The following OLA1 variants were observed in gnomAD, a reference collection of about 807,000 sequenced individuals.
OLA1 encodes obg-like ATPase 1.
A neutral mutation model predicts 48.4 loss-of-function variants in OLA1; 14 were observed. That is an observed-to-expected ratio of 0.29 (90% CI 0.19 to 0.45). The LOEUF (loss-of-function observed/expected upper bound fraction) is 0.45, where lower values mean the gene tolerates loss of function less well. Among genes scored for constraint, OLA1 ranks in the 20% least tolerant of loss-of-function variants. OLA1 has a pLI of 1.00. For missense variants in OLA1, 325 were observed against 467.1 expected, an observed-to-expected ratio of 0.70 and a Z score of 2.80; for synonymous variants, 127 against 150.4, an observed-to-expected ratio of 0.84 and a Z score of 1.14.
chr2:174,195,819 A>T (rs887928652), intron 4 of OLA1, among the ~76,000 whole-genome samples: 2 of 152,200 alleles, frequency 1.3e-5, no homozygotes, highest in Non-Finnish European at 2.9e-5. Context: ...TTATTAAATA[A>T]CAGTGACATT....
At chr2:174,206,029 T>C (rs1688106423) in intron 4 of OLA1, among the ~76,000 whole-genome samples, 3 of 152,082 alleles carry the variant, frequency 2.0e-5, no homozygotes, top group Non-Finnish European at 4.4e-5. Flanking sequence ...TGGCATGCAA[T>C]GAGTGGTGTA....
chr2:174,201,928 A>G (rs1048700771), intron 4 of OLA1, among the ~76,000 whole-genome samples: 2 of 152,194 alleles, frequency 1.3e-5, no homozygotes, highest in East Asian at 3.8e-4. Flanking sequence ...TATAAAAATG[A>G]CATGGAAATA....
intron 1 of OLA1, chr2:174,247,643 C>T (rs1428423981): frequency 1.3e-6 from 2 of 1,550,736 alleles, no homozygotes; most frequent in Non-Finnish European, 1.7e-6. Context: ...CCCACAACCC[C>T]CATTTTTCAC....
At chr2:174,142,081 G>C in intron 4 of OLA1, 81 bp from the exon 5 acceptor site, 1 of 1,207,770 alleles carries the variant, frequency 8.3e-7, no homozygotes, top group Non-Finnish European at 1.2e-6. Flanking sequence ...ATTCCTAGAA[G>C]GTTAACAAAT....
intron 4 of OLA1, among the ~76,000 whole-genome samples, chr2:174,202,285 T>C (rs538643477): frequency 3.3e-5 from 5 of 152,330 alleles, no homozygotes; most frequent in African/African-American, 9.6e-5. Flanking sequence ...TATGAAATCA[T>C]AACTGCATAA....
chr2:174,088,306 T>C (rs1191121627), intron 7 of OLA1, among the ~76,000 whole-genome samples: 1 of 152,182 alleles, frequency 6.6e-6, no homozygotes, highest in African/African-American at 2.4e-5. Context: ...CTCATTTCTA[T>C]TACAACTGCT....
chr2:174,169,886 T>C (rs1030173415), intron 4 of OLA1, among the ~76,000 whole-genome samples: 1 of 152,216 alleles, frequency 6.6e-6, no homozygotes, highest in African/African-American at 2.4e-5. Context: ...TAATTTTAGG[T>C]AAGGTAAATT....
intron 4 of OLA1, among the ~76,000 whole-genome samples, chr2:174,146,519 A>G (rs944481302): frequency 6.6e-6 from 1 of 152,190 alleles, no homozygotes; most frequent in Non-Finnish European, 1.5e-5. Flanking sequence ...ATGAATGAAG[A>G]TATAAAATTG....
chr2:174,131,815 T>C (rs372752183), intron 5 of OLA1, among the ~76,000 whole-genome samples: 1 of 152,250 alleles, frequency 6.6e-6, no homozygotes, highest in East Asian at 1.9e-4. Flanking sequence ...AAATATCTTC[T>C]TTCTCTGAGG....
intron 4 of OLA1, among the ~76,000 whole-genome samples, chr2:174,204,688 TTAATAA>T (rs1234488824): frequency 6.6e-6 from 1 of 152,208 alleles, no homozygotes; most frequent in East Asian, 1.9e-4. Context: ...AAAGCTATTA[TTAATAA>T]TAAAGCTATT....
intron 7 of OLA1, among the ~76,000 whole-genome samples, chr2:174,108,233 T>A (rs1344130629): frequency 1.3e-5 from 2 of 152,136 alleles, no homozygotes; most frequent in Admixed American, 1.3e-4. Flanking sequence ...GGCTTTCCAA[T>A]GTTGCTAGGG....
chr2:174,195,032 A>G (rs1329855451), intron 4 of OLA1, among the ~76,000 whole-genome samples: 1 of 152,104 alleles, frequency 6.6e-6, no homozygotes, highest in East Asian at 1.9e-4. Context: ...CTGCAGTTTC[A>G]GTTAAACATC....
chr2:174,151,760 A>G (rs988056668), intron 4 of OLA1, among the ~76,000 whole-genome samples: 1 of 152,210 alleles, frequency 6.6e-6, no homozygotes, highest in African/African-American at 2.4e-5. Flanking sequence ...TTTAATATCT[A>G]TAGTTTTATT....
chr2:174,115,960 C>T (rs910671688), intron 7 of OLA1, among the ~76,000 whole-genome samples: 1 of 152,184 alleles, frequency 6.6e-6, no homozygotes, highest in African/African-American at 2.4e-5. Context: ...TAAGATAATA[C>T]ATGACACACA....
chr2:174,244,306 T>G (rs920706080), intron 2 of OLA1, among the ~76,000 whole-genome samples: 3 of 152,188 alleles, frequency 2.0e-5, no homozygotes, highest in African/African-American at 7.2e-5. Context: ...AATGAGTGAA[T>G]TTTACTATTT....
chr2:174,189,408 A>T (rs1434307186), intron 4 of OLA1, among the ~76,000 whole-genome samples: 2 of 152,198 alleles, frequency 1.3e-5, no homozygotes, highest in Non-Finnish European at 2.9e-5. Context: ...CATAGGGCTG[A>T]TATCTATAAA....
At chr2:174,237,931 TACC>T (rs1335866693) in intron 2 of OLA1, among the ~76,000 whole-genome samples, 9 of 152,316 alleles carry the variant, frequency 5.9e-5, no homozygotes, top group East Asian at 1.9e-4. Flanking sequence ...ACTATGAAAT[TACC>T]ACAACTACAG....
intron 4 of OLA1, among the ~76,000 whole-genome samples, chr2:174,218,567 T>C (rs1346704385): frequency 1.3e-5 from 2 of 152,224 alleles, no homozygotes; most frequent in Non-Finnish European, 2.9e-5. Context: ...AAAAATATAC[T>C]TTAAAAAACT....
At chr2:174,236,649 A>G (rs1688857735) in intron 2 of OLA1, among the ~76,000 whole-genome samples, 1 of 152,176 alleles carries the variant, frequency 6.6e-6, no homozygotes, top group Admixed American at 6.5e-5. Flanking sequence ...ATTACAGAGT[A>G]TATTTACACA....
Sources: gnomAD v4.1 joint callset for allele counts (sites outside exome capture counted in the v4.1 genomes callset) on GRCh38, gnomAD v4.1.1 for gene constraint, MANE v1.5 for transcripts, NCBI Gene and HGNC (gene_info 2026-07-23, HGNC 2026-07-21) for gene names.